The following INSYN2B variants were observed in gnomAD, a reference collection of about 807,000 sequenced individuals.
INSYN2B encodes the protein inhibitory synaptic factor family member 2B.
INSYN2B carries 16 observed loss-of-function variants against 41.2 expected under a neutral mutation model. The ratio of observed to expected loss-of-function variants is 0.39; its 90% confidence interval spans 0.26 to 0.59. The LOEUF (loss-of-function observed/expected upper bound fraction) is 0.59. Among genes scored for constraint, INSYN2B ranks in the 20% least tolerant of loss-of-function variants. The probability of loss-of-function intolerance (pLI) is 0.57; values close to 1 mark genes in which losing one functional copy is unlikely to be tolerated. For synonymous variants in INSYN2B, 245 were observed against 244.4 expected (o/e 1.00, Z -0.02); for missense variants, 608 against 646.4 (o/e 0.94, Z 0.64).
intron 1 of INSYN2B, among the ~76,000 whole-genome samples, chr5:169,919,384 G>A (rs1326985884): frequency 2.0e-5 from 3 of 152,084 alleles, no homozygotes; most frequent in Non-Finnish European, 4.4e-5. Flanking sequence ...GAAATAAATG[G>A]CTGGACACAA....
chr5:169,925,081 C>CT (rs1323871721), intron 1 of INSYN2B, among the ~76,000 whole-genome samples: 1 of 152,030 alleles, frequency 6.6e-6, no homozygotes, highest in Non-Finnish European at 1.5e-5. Context: ...CTCTATTATT[C>CT]TTTTTCTTCA....
At chr5:169,893,936 C>T (rs980337309) in intron 1 of INSYN2B, among the ~76,000 whole-genome samples, 4 of 152,158 alleles carry the variant, frequency 2.6e-5, no homozygotes, top group Admixed American at 6.5e-5. Flanking sequence ...ACTTGACAAT[C>T]TCTTCCTGTA....
intron 1 of INSYN2B, among the ~76,000 whole-genome samples, chr5:169,971,818 C>T (rs924843614): frequency 3.9e-5 from 6 of 152,198 alleles, no homozygotes; most frequent in African/African-American, 1.4e-4. Flanking sequence ...CTTCCATATT[C>T]TTCCCCTCTA....
chr5:169,901,943 C>A (rs1302104573), intron 1 of INSYN2B, among the ~76,000 whole-genome samples: 1 of 152,118 alleles, frequency 6.6e-6, no homozygotes, highest in Non-Finnish European at 1.5e-5. Context: ...CCTCTCCTAC[C>A]CTCAAGTTTG....
intron 1 of INSYN2B, among the ~76,000 whole-genome samples, chr5:169,941,656 G>A (rs1164472446): frequency 6.6e-6 from 1 of 152,186 alleles, no homozygotes; most frequent in Non-Finnish European, 1.5e-5. Context: ...GACCGTGACG[G>A]CTCCTCCAGC....
rs1206780911 is a variant in INSYN2B, at chr5:169,911,010, C to T, written c.-918-26194G>A. On this transcript the variant is annotated intron_variant, in intron 1 of 3. Transcript: ENST00000377365. ...GTGAAACCCTCAGGTGCCTCCAAGG[C>T]CCCAGGAAAAGCATTTCTACCTTTG... is the stretch of plus-strand genomic sequence containing the variant. Among the ~76,000 whole-genome samples the T allele has an allele frequency of 3.9e-5, 6 of 152,274 alleles. No individual in the cohort carries two copies. In the East Asian group the frequency reaches 1.2e-3, roughly 29 times the overall value.
chr5:169,883,164 T>A lies in INSYN2B; in HGVS notation c.735A>T (p.Arg245Ser), dbSNP rs1278896187. 6.4e-7 allele frequency: 1 copy of A among 1,551,584 alleles called. No homozygotes were observed. Residue 245 changes from arginine to serine, a missense_variant, in exon 2 of 4, where the codon AGA becomes AGT. By Grantham distance (110) the Arg-to-Ser change is moderately radical (BLOSUM62 -1). Transcript: ENST00000377365. ...PLDDTRPGDG[R>S]RVTPLDSEKS... ...TTTCTGAATCTAGTGGAGTCACCCT[T>A]CTCCCATCACCTGGACGTGTGTCAT...
chr5:169,925,641 A>G (rs921764870), intron 1 of INSYN2B, among the ~76,000 whole-genome samples: 15 of 147,104 alleles, frequency 1.0e-4, no homozygotes, highest in African/African-American at 3.5e-4. Context: ...CAGCTCTGCC[A>G]TTGATTGGTT....
chr5:169,973,252 T>C (rs1429035542), intron 1 of INSYN2B, among the ~76,000 whole-genome samples: 2 of 152,156 alleles, frequency 1.3e-5, no homozygotes, highest in Non-Finnish European at 2.9e-5. Context: ...GAAGAAACTA[T>C]AAATCCTCAC....
At chr5:169,960,460 G>C (rs891151710) in intron 1 of INSYN2B, among the ~76,000 whole-genome samples, 1 of 152,186 alleles carries the variant, frequency 6.6e-6, no homozygotes, top group Non-Finnish European at 1.5e-5. Context: ...CTTTTGGGAA[G>C]TGAGTAGGCT....
At chr5:169,923,854 C>T (rs1338181148) in intron 1 of INSYN2B, among the ~76,000 whole-genome samples, 1 of 152,166 alleles carries the variant, frequency 6.6e-6, no homozygotes, top group Non-Finnish European at 1.5e-5. Context: ...GAATTTTATC[C>T]TGCAGGCCTC....
chr5:169,926,530 G>A (rs1017041366), intron 1 of INSYN2B, among the ~76,000 whole-genome samples: 3 of 152,200 alleles, frequency 2.0e-5, no homozygotes, highest in African/African-American at 7.2e-5. Context: ...TGAGAAAGAT[G>A]AATCTGGGTG....
At chr5:169,958,111 C>T (rs148414058) in intron 1 of INSYN2B, among the ~76,000 whole-genome samples, 8 of 152,232 alleles carry the variant, frequency 5.3e-5, no homozygotes, top group South Asian at 2.1e-4. Context: ...TGAAACATGA[C>T]GTCCACATGC....
intron 1 of INSYN2B, among the ~76,000 whole-genome samples, chr5:169,927,410 A>G (rs1775513019): frequency 6.6e-6 from 1 of 152,144 alleles, no homozygotes; most frequent in Admixed American, 6.5e-5. Flanking sequence ...CCTTCTAATA[A>G]GTTTGCATGT....
chr5:169,868,775 A>G (rs953710356), intron 3 of INSYN2B, among the ~76,000 whole-genome samples: 1 of 152,156 alleles, frequency 6.6e-6, no homozygotes, highest in African/African-American at 2.4e-5. Context: ...AGAAAATGAT[A>G]TTAATGCTCT....
chr5:169,886,036 T>C (rs1220196102), intron 1 of INSYN2B, among the ~76,000 whole-genome samples: 1 of 152,176 alleles, frequency 6.6e-6, no homozygotes, highest in Non-Finnish European at 1.5e-5. Context: ...TTTTGGGATC[T>C]GCATGATATG....
rs1030441634 is a variant in INSYN2B, at chr5:169,864,376, G to T, written c.1505C>A (p.Ala502Glu). 5 of 1,551,358 alleles carry T rather than the reference G, an allele frequency of 3.2e-6. No homozygotes were observed. The highest frequency in any genetic ancestry group is 1.7e-4 in the Middle Eastern group (1 of 6,014). The change falls in exon 4 of 4, where the codon GCA becomes GAA. Residue 502 changes from alanine (A) to glutamate (E), a missense_variant. Ala to Glu is a moderately radical substitution (Grantham distance 107). Transcript: ENST00000377365. ...SLEEAEPVEE[A>E]SPPPKSPAEP... Reference sequence around the variant, plus strand: ...TGCTGGGGACTTTGGTGGGGGCGATGCCTCCTCAACTGGCTCTGCTTCCTC... The same window carrying T: ...TGCTGGGGACTTTGGTGGGGGCGATTCCTCCTCAACTGGCTCTGCTTCCTC...
chr5:169,916,429 C>T (rs922140498), intron 1 of INSYN2B, among the ~76,000 whole-genome samples: 8 of 152,146 alleles, frequency 5.3e-5, no homozygotes, highest in African/African-American at 1.7e-4. Context: ...GAAACCTTGC[C>T]ATGGGGACAA....
At chr5:169,893,761 G>T (rs1773431198) in intron 1 of INSYN2B, among the ~76,000 whole-genome samples, 1 of 152,094 alleles carries the variant, frequency 6.6e-6, no homozygotes, top group South Asian at 2.1e-4. Context: ...TTACTCATAG[G>T]GTACAGAGTT....
Sources: gnomAD v4.1 joint callset for allele counts (sites outside exome capture counted in the v4.1 genomes callset) on GRCh38, gnomAD v4.1.1 for gene constraint, MANE v1.5 for transcripts, NCBI Gene and HGNC (gene_info 2026-07-23, HGNC 2026-07-21) for gene names.